Variants in PLA2G5 observed in about 807,000 individuals in gnomAD.
PLA2G5 encodes the protein Ca2+-dependent phospholipase A2.
A neutral mutation model predicts 15.9 loss-of-function variants in PLA2G5; 12 were observed. That is an observed-to-expected ratio of 0.76 (90% confidence interval 0.48 to 1.23). PLA2G5 has a LOEUF of 1.23. PLA2G5 is among the 50% of genes most tolerant of loss of function. The probability of loss-of-function intolerance (pLI) is 0.00; values close to 1 mark genes in which losing one functional copy is unlikely to be tolerated. For missense variants in PLA2G5, 169 were observed against 177.1 expected, an observed-to-expected ratio of 0.95 and a Z score of 0.26; for synonymous variants, 71 against 71.4, an observed-to-expected ratio of 0.99 and a Z score of 0.03.
chr1:20,068,912 C>T (rs190231665), upstream of PLA2G5: 3,316 of 1,287,568 alleles, frequency 2.6e-3, 8 homozygotes, highest in Non-Finnish European at 3.0e-3. Context: ...CTCCCCCCTA[C>T]GTCCTTCTCC....
At chr1:20,071,486 C>T (rs2015374374) in intron 1 of PLA2G5, among the ~76,000 whole-genome samples, 1 of 152,160 alleles carries the variant, frequency 6.6e-6, no homozygotes, top group African/African-American at 2.4e-5. Flanking sequence ...TCCCTGTCCG[C>T]AGGTTGCTCA....
chr1:20,066,518 C>A (rs1032059351), upstream of PLA2G5, among the ~76,000 whole-genome samples: 1 of 152,228 alleles, frequency 6.6e-6, no homozygotes, highest in African/African-American at 2.4e-5. Flanking sequence ...GCAGACTCTA[C>A]AAATCAGGGA....
intron 1 of PLA2G5, among the ~76,000 whole-genome samples, chr1:20,038,383 C>T (rs1403707082): frequency 2.0e-5 from 3 of 152,148 alleles, no homozygotes; most frequent in African/African-American, 7.2e-5. Context: ...CACTAGCAGC[C>T]CTCCCCAAGG....
chr1:20,030,511 G>A (rs2012860123), intron 1 of PLA2G5, among the ~76,000 whole-genome samples: 1 of 151,636 alleles, frequency 6.6e-6, no homozygotes, highest in South Asian at 2.1e-4. Flanking sequence ...CATTCCCAGG[G>A]ATGAGCAGGA....
At chr1:20,033,083 AC>A (rs998686835) in intron 1 of PLA2G5, among the ~76,000 whole-genome samples, 9 of 152,104 alleles carry the variant, frequency 5.9e-5, no homozygotes, top group South Asian at 2.1e-4. Context: ...AAATTGGTTA[AC>A]CCTTTCCTTT....
At chr1:20,059,096 C>T (rs770321416) in intron 1 of PLA2G5, among the ~76,000 whole-genome samples, 10 of 122,480 alleles carry the variant, frequency 8.2e-5, no homozygotes, top group Non-Finnish European at 1.4e-4. Context: ...ATCACCCAGA[C>T]TGGGTGATAG....
chr1:20,079,770 A>G (rs1265942841), intron 1 of PLA2G5, among the ~76,000 whole-genome samples: 1 of 152,226 alleles, frequency 6.6e-6, no homozygotes, highest in African/African-American at 2.4e-5. Context: ...TGACTTGCCC[A>G]GGGTCACACA....
In PLA2G5 at chr1:20,062,802, T is replaced by C. The variant is rs1012273051; in HGVS notation, n.337+3110T>C. ...TGAATAAATGGTACATCTGTGTGCC[T>C]AGGGGGCCCATTCCAGACACCAGGT... On this transcript the variant is annotated intron_variant and non_coding_transcript_variant, in intron 2 of 6. Coordinates refer to the PLA2G5 transcript ENST00000460175. 3.9e-5 allele frequency among the ~76,000 whole-genome samples: 6 copies of C among 152,106 alleles called. No homozygotes were observed. The South Asian group carries it at 1.2e-3, about 32-fold the overall frequency.
intron 1 of PLA2G5, among the ~76,000 whole-genome samples, chr1:20,082,987 A>AAGT (rs1289580028): frequency 6.6e-6 from 1 of 152,064 alleles, no homozygotes; most frequent in African/African-American, 2.4e-5. Flanking sequence ...TTAAAAGGAC[A>AAGT]GACACCGGGC....
intron 1 of PLA2G5, among the ~76,000 whole-genome samples, chr1:20,033,664 G>A (rs1239967622): frequency 6.6e-6 from 1 of 152,150 alleles, no homozygotes; most frequent in Non-Finnish European, 1.5e-5. Context: ...GGGTGTTGCT[G>A]TATGTTTGGC....
chr1:20,028,944 C>A (rs1329558009), intron 1 of PLA2G5, among the ~76,000 whole-genome samples: 3 of 152,188 alleles, frequency 2.0e-5, no homozygotes, highest in African/African-American at 7.2e-5. Flanking sequence ...TCTGACCCCA[C>A]GACAGTGTCT....
At chr1:20,055,800 C>T (rs1270607474) in intron 1 of PLA2G5, among the ~76,000 whole-genome samples, 2 of 152,166 alleles carry the variant, frequency 1.3e-5, no homozygotes, top group Admixed American at 1.3e-4. Context: ...CTTTAATCTT[C>T]ATAATGTTTC....
intron 1 of PLA2G5, among the ~76,000 whole-genome samples, chr1:20,029,502 C>T (rs527888931): frequency 6.6e-6 from 1 of 152,220 alleles, no homozygotes; most frequent in African/African-American, 2.4e-5. Flanking sequence ...CTGCTAGCGT[C>T]CCGGGTTTTT....
intron 1 of PLA2G5, among the ~76,000 whole-genome samples, chr1:20,080,080 C>G (rs972817241): frequency 6.6e-6 from 1 of 152,140 alleles, no homozygotes; most frequent in African/African-American, 2.4e-5. Context: ...CTGGCAGTTC[C>G]TGGGTTGAGG....
intron 1 of PLA2G5, among the ~76,000 whole-genome samples, chr1:20,051,761 C>T (rs1557731131): frequency 1.3e-5 from 2 of 152,148 alleles, no homozygotes; most frequent in Non-Finnish European, 1.5e-5. Flanking sequence ...ATAAAAGCCC[C>T]TTGGGAAAAC....
At chr1:20,086,059 C>G in intron 2 of PLA2G5, 24 bp from the exon 3 acceptor site, 1 of 1,613,538 alleles carries the variant, frequency 6.2e-7, no homozygotes, top group South Asian at 1.1e-5. Flanking sequence ...TGGGTGTCAC[C>G]TGGGGACATG....
intron 1 of PLA2G5, among the ~76,000 whole-genome samples, chr1:20,080,198 G>A (rs1344830230): frequency 1.3e-5 from 2 of 152,102 alleles, no homozygotes; most frequent in East Asian, 3.9e-4. Context: ...GGGATTCCAG[G>A]GTTCCTGTTC....
intron 1 of PLA2G5, among the ~76,000 whole-genome samples, chr1:20,038,157 GC>G (rs2013375996): frequency 6.6e-6 from 1 of 152,022 alleles, no homozygotes; most frequent in Non-Finnish European, 1.5e-5. Context: ...CTGAGATTTT[GC>G]CCCAGGTTAC....
chr1:20,029,723 CAG>C (rs1454056756), intron 1 of PLA2G5, among the ~76,000 whole-genome samples: 1 of 152,096 alleles, frequency 6.6e-6, no homozygotes, highest in African/African-American at 2.4e-5. Flanking sequence ...GTCCTGCGAA[CAG>C]GGGATGATGT....
Sources: gnomAD v4.1 joint callset for allele counts (sites outside exome capture counted in the v4.1 genomes callset) on GRCh38, gnomAD v4.1.1 for gene constraint, MANE v1.5 for transcripts, NCBI Gene and HGNC (gene_info 2026-07-23, HGNC 2026-07-21) for gene names.